The following PIK3C2G variants were observed in gnomAD, a reference collection of about 807,000 sequenced individuals.
The protein encoded by PIK3C2G is phosphatidylinositol 3-kinase C2 domain-containing subunit gamma.
A neutral mutation model predicts 181.1 loss-of-function variants in PIK3C2G; 168 were observed. The ratio of observed to expected loss-of-function variants is 0.93; its 90% CI spans 0.82 to 1.05. The LOEUF (loss-of-function observed/expected upper bound fraction) is 1.05. PIK3C2G is among the 50% of genes least tolerant of loss of function. PIK3C2G has a pLI of 0.00. For missense variants in PIK3C2G, 1,869 were observed against 1,732.8 expected (o/e 1.08, Z -1.40); for synonymous variants, 573 against 592.2 (o/e 0.97, Z 0.47).
At chr12:18,505,019 C>G (rs192430877) in intron 23 of PIK3C2G, among the ~76,000 whole-genome samples, 2 of 152,022 alleles carry the variant, frequency 1.3e-5, no homozygotes, top group African/African-American at 4.8e-5. Flanking sequence ...TCTAGTGAAC[C>G]AATGAAAATT....
At chr12:18,496,447 G>A (rs911342143) in intron 21 of PIK3C2G, among the ~76,000 whole-genome samples, 4 of 152,170 alleles carry the variant, frequency 2.6e-5, no homozygotes, top group African/African-American at 9.6e-5. Flanking sequence ...AAAGTTGAAT[G>A]TGAGGAAAGT....
intron 11 of PIK3C2G, among the ~76,000 whole-genome samples, chr12:18,361,637 A>G (rs911438384): frequency 2.6e-5 from 4 of 151,884 alleles, no homozygotes; most frequent in Non-Finnish European, 4.4e-5. Context: ...TAAATTCCCA[A>G]TTAGAGGGAT....
chr12:18,620,135 G>C (rs1948785579), intron 31 of PIK3C2G, among the ~76,000 whole-genome samples: 1 of 151,970 alleles, frequency 6.6e-6, no homozygotes, highest in Non-Finnish European at 1.5e-5. Flanking sequence ...TAAACGGAGG[G>C]GTCTATGAAA....
the PIK3C2G span, among the ~76,000 whole-genome samples, chr12:18,681,017 A>G: frequency 6.6e-6 from 1 of 151,990 alleles, no homozygotes; most frequent in African/African-American, 2.4e-5. Flanking sequence ...GACGATATTC[A>G]TGTTTTTGCC....
rs759482817 is a variant in PIK3C2G at position 18,286,850 on chromosome 12, A to G, written c.682A>G (p.Ile228Val). The G allele has an allele frequency of 1.5e-5, 22 of 1,488,232 alleles. No individual in the cohort carries two copies. The highest frequency in any genetic ancestry group is 2.5e-5 in the East Asian group (1 of 40,172). 92.2% of individuals were successfully genotyped at this position (1,488,232 alleles called of 1,614,324 possible). A position where few individuals can be genotyped will look rare whatever the true frequency, so the allele number is the denominator to read the frequency against. ...ATTTAGTAGATTTTATTTTAAGTCA[A>G]TAGGTTGTTCCATTCAGCTAGTGGA... is the stretch of plus-strand genomic sequence containing the variant. ...ESTWQKNIES[I>V]GCSIQLVEVP... is the part of the protein sequence containing the mutation. The change falls in exon 3 of 33, where the codon ATA (isoleucine) becomes GTA (valine). Residue 228 changes from isoleucine (I) to valine (V), a missense_variant. Transcript: ENST00000538779.
the PIK3C2G span, among the ~76,000 whole-genome samples, chr12:18,706,624 C>T: frequency 6.6e-6 from 1 of 152,174 alleles, no homozygotes; most frequent in Non-Finnish European, 1.5e-5. Flanking sequence ...CAAAACATCA[C>T]TGGATCTTAT....
At chr12:18,292,227 A>AAAAAAAAATATATATATAT in intron 4 of PIK3C2G, among the ~76,000 whole-genome samples, 1 of 48,750 alleles carries the variant, frequency 2.1e-5, no homozygotes, top group African/African-American at 1.1e-4. Flanking sequence ...AAAAAAAAAA[A>AAAAAAAAATATATATATAT]ATATATATAT....
the PIK3C2G span, chr12:18,693,097 T>C: frequency 6.6e-7 from 1 of 1,523,136 alleles, no homozygotes; most frequent in Non-Finnish European, 9.1e-7. Flanking sequence ...GGGACCCCAA[T>C]GTCAGTAGGA....
At chr12:18,546,029 A>G (rs1012812814) in intron 25 of PIK3C2G, among the ~76,000 whole-genome samples, 6 of 151,962 alleles carry the variant, frequency 3.9e-5, no homozygotes, top group Admixed American at 2.6e-4. Flanking sequence ...ACATGGGGAT[A>G]ATATCATGCT....
intron 31 of PIK3C2G, among the ~76,000 whole-genome samples, chr12:18,610,533 G>A (rs1460731429): frequency 3.3e-5 from 5 of 152,052 alleles, no homozygotes; most frequent in South Asian, 4.1e-4. Flanking sequence ...ATCCAAGAAG[G>A]CGTGTTTGCA....
At chr12:18,650,351 G>A (rs61914459), downstream of PIK3C2G, among the ~76,000 whole-genome samples, 36,392 of 97,404 alleles carry the variant, frequency 0.37, 5,291 homozygotes, top group South Asian at 0.5. Flanking sequence ...ATATATATGT[G>A]TGTGTGTGTG....
At chr12:18,379,894 C>T (rs1942721433) in intron 13 of PIK3C2G, among the ~76,000 whole-genome samples, 1 of 152,192 alleles carries the variant, frequency 6.6e-6, no homozygotes, top group Non-Finnish European at 1.5e-5. Context: ...GAAACTCTCC[C>T]TCTCGAAAAT....
chr12:18,394,843 C>G (rs190779279), intron 15 of PIK3C2G, among the ~76,000 whole-genome samples: 1 of 151,266 alleles, frequency 6.6e-6, no homozygotes, highest in African/African-American at 2.4e-5. Context: ...ATTGGACACA[C>G]CAAAAAGGAG....
Position 18,488,637 on chromosome 12 carries a change from G to C in PIK3C2G, c.2685+8G>C. On this transcript the variant is annotated splice_region_variant and intron_variant, in intron 19 of 32. Coordinates refer to ENST00000538779, the MANE Select transcript of PIK3C2G (RefSeq NM_001288772.2). ...AGTGACCATCAAAGACAGGTTTGTT[G>C]AAATATTAATATTCAGGTAGTAATG... 1 of 1,460,664 alleles carries C rather than the reference G, an allele frequency of 6.8e-7. No individual in the cohort carries two copies. The highest frequency in any genetic ancestry group is 9.1e-7 in the Non-Finnish European group (1 of 1,095,856). 90.5% of individuals were successfully genotyped at this position (1,460,664 alleles called of 1,614,324 possible).
intron 32 of PIK3C2G, among the ~76,000 whole-genome samples, chr12:18,645,084 A>G (rs1950045880): frequency 1.3e-5 from 2 of 152,178 alleles, no homozygotes; most frequent in African/African-American, 4.8e-5. Flanking sequence ...TAAAGACTTA[A>G]CTCATGCCTA....
intron 18 of PIK3C2G, among the ~76,000 whole-genome samples, chr12:18,484,456 C>T (rs1457622655): frequency 2.6e-5 from 4 of 152,026 alleles, no homozygotes; most frequent in South Asian, 2.1e-4. Context: ...AATCATTTTC[C>T]GAACTTGTTT....
intron 24 of PIK3C2G, 39 bp from the exon 25 acceptor site, chr12:18,538,117 C>G (rs775594145): frequency 4.4e-6 from 7 of 1,574,424 alleles, no homozygotes; most frequent in Middle Eastern, 1.7e-4. Flanking sequence ...CAAACCATTT[C>G]TCTTCCTTCG....
intron 11 of PIK3C2G, among the ~76,000 whole-genome samples, chr12:18,353,898 C>T (rs1247162054): frequency 1.3e-5 from 2 of 152,190 alleles, no homozygotes; most frequent in African/African-American, 4.8e-5. Flanking sequence ...CCAAGTCCTA[C>T]ATAAATCCTC....
intron 5 of PIK3C2G, among the ~76,000 whole-genome samples, chr12:18,302,266 G>A (rs4534639): frequency 0.35 from 52,652 of 151,948 alleles, 9,631 homozygotes; most frequent in Non-Finnish European, 0.41. Context: ...CTGGCAGTGC[G>A]CCTACAATCA....
Sources: gnomAD v4.1 joint callset for allele counts (sites outside exome capture counted in the v4.1 genomes callset) on GRCh38, gnomAD v4.1.1 for gene constraint, MANE v1.5 for transcripts, NCBI Gene and HGNC (gene_info 2026-07-23, HGNC 2026-07-21) for gene names.